Variants in PDE10A observed in about 807,000 individuals in gnomAD.
The protein encoded by PDE10A is cAMP and cAMP-inhibited cGMP 3',5'-cyclic phosphodiesterase 10A.
Under a neutral mutation model 97.7 loss-of-function variants are expected in PDE10A, and 39 were observed. The observed-to-expected ratio is 0.40, with a 90% CI of 0.31 to 0.52. The LOEUF (loss-of-function observed/expected upper bound fraction) is 0.52. Among genes scored for constraint, PDE10A ranks in the 20% least tolerant of loss-of-function variants. PDE10A has a pLI of 0.56. For synonymous variants in PDE10A, 371 were observed against 376.8 expected, an observed-to-expected ratio of 0.98 and a Z score of 0.18; for missense variants, 731 against 1,047.8, an observed-to-expected ratio of 0.70 and a Z score of 4.17.
In PDE10A at chr6:165,837,721, C is replaced by G. The variant is rs898533984; in HGVS notation, c.-615+149808G>C. On this transcript the variant is annotated intron_variant, in intron 1 of 19. Transcript: ENST00000366882. ...GCGGTGGGAGAACAGAGTCTCACTC[C>G]GTCGCCCAGGCTGGAGTGCAGCGGC... Among the ~76,000 whole-genome samples the G allele has an allele frequency of 4.3e-5, 6 of 139,162 alleles. No individual in the cohort carries two copies. In the Admixed American group the frequency reaches 4.6e-4, roughly 11 times the overall value. 91.3% of individuals were successfully genotyped at this position (139,162 alleles called of 152,430 possible). A position where few individuals can be genotyped will look rare whatever the true frequency, so the allele number is the denominator to read the frequency against.
intron 1 of PDE10A, among the ~76,000 whole-genome samples, chr6:165,852,349 A>G (rs1780594343): frequency 6.6e-6 from 1 of 152,172 alleles, no homozygotes. Flanking sequence ...ACACCCAATC[A>G]TATGTCCTCA....
intron 1 of PDE10A, among the ~76,000 whole-genome samples, chr6:165,636,502 C>A (rs1311241769): frequency 6.6e-6 from 1 of 152,120 alleles, no homozygotes; most frequent in Non-Finnish European, 1.5e-5. Flanking sequence ...AAAAAACCTT[C>A]ACAAGGAAAA....
chr6:165,927,078 G>C (rs184410183), intron 1 of PDE10A, among the ~76,000 whole-genome samples: 2 of 151,876 alleles, frequency 1.3e-5, no homozygotes, highest in African/African-American at 2.4e-5. Context: ...GGCCTGTTGG[G>C]GGGTGGGGGG....
chr6:165,688,529 G>A (rs1228849853), intron 1 of PDE10A, among the ~76,000 whole-genome samples: 1 of 152,224 alleles, frequency 6.6e-6, no homozygotes, highest in Admixed American at 6.5e-5. Context: ...CATGGGCCCA[G>A]TGGGGCTTCA....
intron 2 of PDE10A, among the ~76,000 whole-genome samples, chr6:165,540,184 T>G (rs1216843846): frequency 6.6e-6 from 1 of 152,190 alleles, no homozygotes; most frequent in Non-Finnish European, 1.5e-5. Flanking sequence ...GAGCGTCTCA[T>G]GATTCTATCG....
In PDE10A at chr6:165,797,058, T is replaced by C. The variant is rs76063818; in HGVS notation, c.-615+190471A>G. Among the ~76,000 whole-genome samples the C allele has an allele frequency of 4.7e-3, 722 of 152,352 alleles. 3 individuals carry two copies. The highest frequency in any genetic ancestry group is 7.1e-3 in the Non-Finnish European group (482 of 68,028). On this transcript the variant is annotated intron_variant, in intron 1 of 19. Coordinates refer to the PDE10A transcript ENST00000366882. ...AGTCTTACCAATAATTGTACCCAAA[T>C]AACAGGTAAAAAGCAGGACTCTCCT...
intron 1 of PDE10A, among the ~76,000 whole-genome samples, chr6:165,760,359 G>C (rs1462417406): frequency 6.6e-6 from 1 of 152,120 alleles, no homozygotes; most frequent in South Asian, 2.1e-4. Flanking sequence ...AACCAGACAC[G>C]TGACTCCTCA....
chr6:165,453,762 G>T (rs1311273456), intron 3 of PDE10A, among the ~76,000 whole-genome samples: 3 of 152,192 alleles, frequency 2.0e-5, no homozygotes, highest in Non-Finnish European at 2.9e-5. Flanking sequence ...AGTCAGCCTG[G>T]GGCCCACGGA....
chr6:165,788,283 C>T (rs909903363), intron 1 of PDE10A, among the ~76,000 whole-genome samples: 5 of 151,818 alleles, frequency 3.3e-5, no homozygotes. Flanking sequence ...TTTGGGAGGC[C>T]GAGGCGGGCA....
intron 1 of PDE10A, among the ~76,000 whole-genome samples, chr6:165,589,987 T>C (rs998028339): frequency 2.6e-5 from 4 of 152,192 alleles, no homozygotes. Context: ...TAAATATGCA[T>C]ACTATATTAT....
At chr6:165,447,490 G>A (rs1206729343) in intron 5 of PDE10A, among the ~76,000 whole-genome samples, 5 of 152,174 alleles carry the variant, frequency 3.3e-5, no homozygotes, top group African/African-American at 7.2e-5. Flanking sequence ...TGCTGGAGGC[G>A]GCTCAGAAGG....
intron 2 of PDE10A, among the ~76,000 whole-genome samples, chr6:165,503,067 G>T (rs924905796): frequency 6.6e-6 from 1 of 152,068 alleles, no homozygotes; most frequent in African/African-American, 2.4e-5. Context: ...GCTTGAACTC[G>T]ATGTGACGCA....
intron 2 of PDE10A, among the ~76,000 whole-genome samples, chr6:165,529,780 T>C (rs1483085720): frequency 6.6e-6 from 1 of 152,216 alleles, no homozygotes; most frequent in Non-Finnish European, 1.5e-5. Flanking sequence ...GATAGCTGTA[T>C]TATGTTAGGC....
At chr6:165,680,127 A>G (rs1171274445) in intron 1 of PDE10A, among the ~76,000 whole-genome samples, 5 of 152,188 alleles carry the variant, frequency 3.3e-5, no homozygotes, top group Admixed American at 6.5e-5. Context: ...ATGGAAAAAG[A>G]AAACAGCCAT....
intron 1 of PDE10A, among the ~76,000 whole-genome samples, chr6:165,562,280 G>C (rs1168969998): frequency 2.6e-5 from 4 of 151,988 alleles, no homozygotes; most frequent in African/African-American, 7.2e-5. Context: ...GTATAAAATA[G>C]AATGTAGCCT....
At chr6:165,896,814 G>C (rs1583250873) in intron 1 of PDE10A, among the ~76,000 whole-genome samples, 1 of 151,590 alleles carries the variant, frequency 6.6e-6, no homozygotes, top group Non-Finnish European at 1.5e-5. Context: ...GTGAGCCACC[G>C]CACCCAGCCA....
chr6:165,517,280 T>C (rs1781866915), intron 2 of PDE10A, among the ~76,000 whole-genome samples: 1 of 152,154 alleles, frequency 6.6e-6, no homozygotes, highest in South Asian at 2.1e-4. Flanking sequence ...CAAATACATC[T>C]TACAAGTCTT....
chr6:165,806,545 G>C lies in PDE10A; in HGVS notation c.-615+180984C>G, dbSNP rs929368357. 3.9e-5 allele frequency among the ~76,000 whole-genome samples: 6 copies of C among 152,260 alleles called. 1 individual carries two copies. Among genetic ancestry groups the C allele is most frequent in the African/African-American group, 7.2e-5 (3 of 41,564 alleles). On this transcript the variant is annotated intron_variant, in intron 1 of 19. Transcript: ENST00000366882. The stretch of plus-strand genomic sequence containing the variant: ...TGGCTCCTTTTCCCTTTGGTGAACT[G>C]GCCTCACTCGTGGGATGTGCTATTC...
intron 1 of PDE10A, among the ~76,000 whole-genome samples, chr6:165,912,620 G>A (rs1168369686): frequency 6.6e-6 from 1 of 152,234 alleles, no homozygotes. Context: ...CTGCTGTGAT[G>A]TGCCTTATGG....
Sources: allele counts gnomAD v4.1 joint callset (sites outside exome capture counted in the v4.1 genomes callset), GRCh38; gene constraint gnomAD v4.1.1; transcripts MANE v1.5; gene names NCBI Gene and HGNC (gene_info 2026-07-23, HGNC 2026-07-21).